Variants in TOM1L1 observed in about 807,000 individuals in gnomAD.
The protein encoded by TOM1L1 is target of myb1 like 1 membrane trafficking protein.
Under a neutral mutation model 63.4 loss-of-function variants are expected in TOM1L1, and 64 were observed. The observed-to-expected ratio is 1.01, with a 90% confidence interval of 0.83 to 1.24. The LOEUF (loss-of-function observed/expected upper bound fraction) is 1.24, where lower values mean the gene tolerates loss of function less well. Among genes scored for constraint, TOM1L1 ranks in the 50% most tolerant of loss-of-function variants. TOM1L1 has a pLI of 0.00. For missense variants in TOM1L1, 536 were observed against 567.0 expected, an observed-to-expected ratio of 0.95 and a Z score of 0.55; for synonymous variants, 166 against 194.4, an observed-to-expected ratio of 0.85 and a Z score of 1.22.
chr17:54,959,716 C>G (rs1370907956), intron 14 of TOM1L1, among the ~76,000 whole-genome samples: 1 of 151,644 alleles, frequency 6.6e-6, no homozygotes, highest in Non-Finnish European at 1.5e-5. Flanking sequence ...CTCCTAGGCT[C>G]CAGTGATCCT....
intron 7 of TOM1L1, 97 bp from the exon 8 acceptor site, chr17:54,929,976 G>A (rs113019607): frequency 1.7e-4 from 256 of 1,492,110 alleles, no homozygotes; most frequent in Admixed American, 3.8e-4. Flanking sequence ...GCTACTTAAC[G>A]TGGAGGTGAC....
At chr17:54,902,016 A>G (rs1024571253) in intron 1 of TOM1L1, among the ~76,000 whole-genome samples, 5 of 152,104 alleles carry the variant, frequency 3.3e-5, no homozygotes, top group African/African-American at 1.2e-4. Context: ...GTAAACATGG[A>G]CTAACTGTCA....
chr17:54,934,055 A>C (rs894067126), intron 8 of TOM1L1, among the ~76,000 whole-genome samples: 1 of 152,180 alleles, frequency 6.6e-6, no homozygotes, highest in Non-Finnish European at 1.5e-5. Flanking sequence ...CTCATGCCTT[A>C]GTCTGGCTCA....
chr17:54,908,213 C>T (rs896296347), intron 3 of TOM1L1, among the ~76,000 whole-genome samples: 5 of 152,168 alleles, frequency 3.3e-5, no homozygotes, highest in Non-Finnish European at 7.3e-5. Flanking sequence ...TCCTTGGGGT[C>T]ACAGTACATT....
At chr17:54,946,560 T>A (rs1598051903) in intron 11 of TOM1L1, among the ~76,000 whole-genome samples, 1 of 152,152 alleles carries the variant, frequency 6.6e-6, no homozygotes, top group Admixed American at 6.5e-5. Context: ...TGCCTGTGGT[T>A]TGGGTTGTGA....
At chr17:54,943,558 A>T (rs139650652) in intron 11 of TOM1L1, among the ~76,000 whole-genome samples, 24 of 150,986 alleles carry the variant, frequency 1.6e-4, no homozygotes, top group African/African-American at 5.4e-4. Flanking sequence ...TTGTTAGCAA[A>T]ATATATATAT....
chr17:54,948,185 T>C (rs1406696045), intron 12 of TOM1L1, among the ~76,000 whole-genome samples: 2 of 152,224 alleles, frequency 1.3e-5, no homozygotes, highest in Non-Finnish European at 1.5e-5. Flanking sequence ...GACATTGCAG[T>C]GGCCTCTAAG....
At chr17:54,941,351 G>C (rs778186261) in intron 11 of TOM1L1, among the ~76,000 whole-genome samples, 1 of 152,054 alleles carries the variant, frequency 6.6e-6, no homozygotes, top group Non-Finnish European at 1.5e-5. Flanking sequence ...AATCAAACTG[G>C]GAAGAAAAAA....
rs761777235 is a variant in TOM1L1 at position 54,914,596 on chromosome 17, A to G, written c.499-43A>G. 8.5e-6 allele frequency: 13 copies of G among 1,535,040 alleles called. No homozygotes were observed. The African/African-American group carries it at 1.4e-4, about 16-fold the overall frequency. On this transcript the variant is annotated intron_variant, in intron 5 of 15. Coordinates refer to ENST00000575882, the MANE Select transcript of TOM1L1 (RefSeq NM_005486.3). Reference sequence around the variant, plus strand: ...GGAAAAAACTTGGCGTTGGGTGGCTATGTTAATTCACATAATAATATTACC... The same window carrying G: ...GGAAAAAACTTGGCGTTGGGTGGCTGTGTTAATTCACATAATAATATTACC...
At chr17:54,938,808 GTTTTTCTTTTT>G in intron 10 of TOM1L1, 105 bp from the exon 11 acceptor site, 2 of 582,534 alleles carry the variant, frequency 3.4e-6, no homozygotes, top group Non-Finnish European at 2.9e-6. Flanking sequence ...TATTTGGTGG[GTTTTTCTTTTT>G]TTTTTCTTTT....
chr17:54,961,764 A>G lies in TOM1L1; in HGVS notation c.*531A>G. The G allele has an allele frequency of 2.0e-6, 2 of 1,013,174 alleles. No homozygotes were observed. The highest frequency in any genetic ancestry group is 2.4e-6 in the Non-Finnish European group (2 of 847,868). 62.8% of individuals were successfully genotyped at this position (1,013,174 alleles called of 1,614,324 possible). A position where few individuals can be genotyped will look rare whatever the true frequency, so the allele number is the denominator to read the frequency against. On this transcript the variant is annotated 3_prime_UTR_variant, in exon 16 of 16. Coordinates refer to ENST00000575882, the MANE Select transcript of TOM1L1 (RefSeq NM_005486.3). The stretch of plus-strand genomic sequence containing the variant: ...GTTAAAACCTTGATAATTGTCATTT[A>G]ATTATATTTCAGGTGTCCTGAACAG...
chr17:54,945,400 GT>G (rs2049101322), intron 11 of TOM1L1, among the ~76,000 whole-genome samples: 1 of 152,206 alleles, frequency 6.6e-6, no homozygotes, highest in African/African-American at 2.4e-5. Context: ...CTTGAATGTG[GT>G]TTGTGGCTTT....
chr17:54,955,074 G>A (rs2049426350), intron 14 of TOM1L1: 1 of 149,298 alleles, frequency 6.7e-6, no homozygotes, highest in Non-Finnish European at 1.5e-5. Context: ...GACATTCTAC[G>A]GTCTCTGCAC....
At chr17:54,919,989 T>G (rs2958912) in intron 7 of TOM1L1, among the ~76,000 whole-genome samples, 39,801 of 150,808 alleles carry the variant, frequency 0.26, 6,156 homozygotes, top group African/African-American at 0.42. Context: ...TTTATTGATT[T>G]ATTTATTTAT....
At chr17:54,959,201 G>C (rs1192123120) in intron 14 of TOM1L1, 1 of 152,180 alleles carries the variant, frequency 6.6e-6, no homozygotes, top group East Asian at 1.9e-4. Context: ...GGTGATCATG[G>C]TTTCATAGCG....
chr17:54,939,981 A>G (rs1482336727), intron 11 of TOM1L1, among the ~76,000 whole-genome samples: 1 of 152,202 alleles, frequency 6.6e-6, no homozygotes, highest in African/African-American at 2.4e-5. Context: ...CAATATTAAA[A>G]TTGGACTAAT....
chr17:54,905,063 C>T lies in TOM1L1; in HGVS notation c.144-426C>T, dbSNP rs73319556. Among the ~76,000 whole-genome samples, 879 of 152,180 alleles carry T rather than the reference C, an allele frequency of 5.8e-3. 7 individuals carry two copies. The highest frequency in any genetic ancestry group is 0.02 in the African/African-American group (836 of 41,526). ...AAAATTGTGGCGTATTGGCAGCTGA[C>T]CTAGTTTGTTGTAATTCCTGTTACA... On this transcript the variant is annotated intron_variant, in intron 2 of 15. Coordinates refer to ENST00000575882, the MANE Select transcript of TOM1L1 (RefSeq NM_005486.3).
At chr17:54,943,999 C>A (rs772892754) in intron 11 of TOM1L1, among the ~76,000 whole-genome samples, 6 of 136,986 alleles carry the variant, frequency 4.4e-5, no homozygotes, top group African/African-American at 1.1e-4. Context: ...TAAATAAATA[C>A]ATAAATAAAT....
At chr17:54,939,837 C>T (rs1567836780) in intron 11 of TOM1L1, among the ~76,000 whole-genome samples, 1 of 152,134 alleles carries the variant, frequency 6.6e-6, no homozygotes, top group Non-Finnish European at 1.5e-5. Context: ...TGAGCCACTG[C>T]ACCAGCCTGT....
Sources: gnomAD v4.1 joint callset for allele counts (sites outside exome capture counted in the v4.1 genomes callset) on GRCh38, gnomAD v4.1.1 for gene constraint, MANE v1.5 for transcripts, NCBI Gene and HGNC (gene_info 2026-07-23, HGNC 2026-07-21) for gene names.